Variants in NELL2 observed in about 807,000 individuals in gnomAD.
The protein encoded by NELL2 is neural EGFL like 2, also known as protein kinase C-binding protein NELL2.
In NELL2, 41 loss-of-function variants were observed where a neutral mutation model predicts 109.6. The observed-to-expected ratio is 0.37, with a 90% CI of 0.29 to 0.49. The LOEUF (loss-of-function observed/expected upper bound fraction) is 0.49. Ranked by LOEUF, NELL2 falls within the 20% of genes least tolerant of loss-of-function variation. The pLI is 0.98. For synonymous variants in NELL2, 355 were observed against 344.7 expected, an observed-to-expected ratio of 1.03 and a Z score of -0.33; for missense variants, 900 against 1,008.3, an observed-to-expected ratio of 0.89 and a Z score of 1.45.
chr12:44,707,503 A>T (rs1172293616), intron 11 of NELL2, among the ~76,000 whole-genome samples: 1 of 152,156 alleles, frequency 6.6e-6, no homozygotes, highest in Non-Finnish European at 1.5e-5. Context: ...TCCTCTGCTT[A>T]TTGGGCCTAC....
intron 13 of NELL2, among the ~76,000 whole-genome samples, chr12:44,622,512 TA>T (rs1946096442): frequency 6.6e-6 from 1 of 152,070 alleles, no homozygotes; most frequent in Non-Finnish European, 1.5e-5. Context: ...TAAATAAGAT[TA>T]AAGAGTACAC....
chr12:44,660,507 G>A (rs1403218162), intron 13 of NELL2, among the ~76,000 whole-genome samples: 1 of 152,156 alleles, frequency 6.6e-6, no homozygotes, highest in Admixed American at 6.5e-5. Context: ...CCAGATCCCA[G>A]TAGTAACCGC....
rs1004386197 is a variant in NELL2 at position 44,516,394 on chromosome 12, C to T, written c.2400+3611G>A. 4.3e-4 allele frequency among the ~76,000 whole-genome samples: 66 copies of T among 151,962 alleles called. 1 individual carries two copies. Among genetic ancestry groups the T allele is most frequent in the Admixed American group, 2.0e-3 (30 of 15,266 alleles). ...ATATTTGTGTGTGTATATGGGGGTG[C>T]GGATAGTATGTGTTGCATTGTGTAT... On this transcript the variant is annotated intron_variant, in intron 19 of 19. Transcript: ENST00000429094.
chr12:44,890,877 C>T (rs1323207323), intron 1 of NELL2, among the ~76,000 whole-genome samples: 1 of 152,036 alleles, frequency 6.6e-6, no homozygotes, highest in Non-Finnish European at 1.5e-5. Context: ...ATTACAGGCA[C>T]CCGCCATCAT....
chr12:44,723,859 A>G (rs1938924432), intron 9 of NELL2, among the ~76,000 whole-genome samples: 1 of 152,096 alleles, frequency 6.6e-6, no homozygotes, highest in Admixed American at 6.5e-5. Context: ...TTAAAGTACA[A>G]CTACCATTCA....
At chr12:44,519,461 T>C (rs1941420248) in intron 19 of NELL2, among the ~76,000 whole-genome samples, 1 of 152,226 alleles carries the variant, frequency 6.6e-6, no homozygotes, top group Non-Finnish European at 1.5e-5. Context: ...TAATGGTTTT[T>C]CTCCAACTGT....
intron 13 of NELL2, among the ~76,000 whole-genome samples, chr12:44,658,707 T>A (rs1336001504): frequency 2.6e-5 from 4 of 151,212 alleles, no homozygotes; most frequent in Non-Finnish European, 5.9e-5. Flanking sequence ...AAACCCTGTC[T>A]CTACTAAAAA....
At chr12:44,810,426 T>C (rs1943136160) in intron 3 of NELL2, among the ~76,000 whole-genome samples, 1 of 152,158 alleles carries the variant, frequency 6.6e-6, no homozygotes, top group South Asian at 2.1e-4. Context: ...AAATGTTTAA[T>C]AATTGGCTCT....
At chr12:44,823,375 T>C (rs1053824851) in intron 2 of NELL2, among the ~76,000 whole-genome samples, 2 of 152,182 alleles carry the variant, frequency 1.3e-5, no homozygotes, top group African/African-American at 4.8e-5. Flanking sequence ...CTTTGTACTC[T>C]TTCACTAATA....
intron 3 of NELL2, among the ~76,000 whole-genome samples, chr12:44,790,065 G>A (rs1033266924): frequency 1.3e-5 from 2 of 152,152 alleles, no homozygotes; most frequent in South Asian, 2.1e-4. Flanking sequence ...GGGAATAATT[G>A]AGGAAAACTT....
intron 15 of NELL2, among the ~76,000 whole-genome samples, chr12:44,600,017 A>C (rs1333586344): frequency 7.1e-6 from 1 of 140,188 alleles, no homozygotes; most frequent in African/African-American, 2.7e-5. Flanking sequence ...GCTGGAGTGC[A>C]GTGGCGCGAT....
chr12:44,722,117 G>T (rs1181972309), intron 9 of NELL2, among the ~76,000 whole-genome samples: 2 of 151,996 alleles, frequency 1.3e-5, no homozygotes, highest in African/African-American at 2.4e-5. Context: ...TGATAAACAG[G>T]AGAACCAAAA....
At chr12:44,762,536 C>T (rs1385133082) in intron 9 of NELL2, among the ~76,000 whole-genome samples, 1 of 152,200 alleles carries the variant, frequency 6.6e-6, no homozygotes, top group Non-Finnish European at 1.5e-5. Context: ...CAGCAATCCA[C>T]TGCCCTTGGC....
chr12:44,612,966 G>T (rs1302752158), intron 13 of NELL2, among the ~76,000 whole-genome samples: 1 of 151,908 alleles, frequency 6.6e-6, no homozygotes, highest in Non-Finnish European at 1.5e-5. Context: ...TTACTCTCAT[G>T]GGTACTGAAA....
rs1948898565 is a variant in NELL2, at chr12:44,691,484, C to A, written c.1318+12242G>T. 3.9e-5 allele frequency among the ~76,000 whole-genome samples: 6 copies of A among 152,072 alleles called. No homozygotes were observed. In the South Asian group the frequency reaches 1.2e-3, roughly 31 times the overall value. ...TCAGTCCACGCTATTCCCTGGGATACAACGATATTGAAATTAGGCCAATTA... is the reference window on the plus strand; with the variant it reads ...TCAGTCCACGCTATTCCCTGGGATAAAACGATATTGAAATTAGGCCAATTA... On this transcript the variant is annotated intron_variant, in intron 12 of 19. Coordinates refer to ENST00000429094, the MANE Select transcript of NELL2 (RefSeq NM_001145108.2).
At chr12:44,776,664 G>A (rs1941769411) in intron 7 of NELL2, among the ~76,000 whole-genome samples, 1 of 152,172 alleles carries the variant, frequency 6.6e-6, no homozygotes, top group South Asian at 2.1e-4. Flanking sequence ...CATAGTGGTA[G>A]AAAGCATTTA....
chr12:44,737,466 A>AT (rs1328458386), intron 9 of NELL2, among the ~76,000 whole-genome samples: 1 of 151,778 alleles, frequency 6.6e-6, no homozygotes, highest in Admixed American at 6.6e-5. Flanking sequence ...TTCCTTTCTC[A>AT]TTTTTCATGC....
chr12:44,706,724 G>A (rs1937902872), intron 11 of NELL2, among the ~76,000 whole-genome samples: 1 of 152,088 alleles, frequency 6.6e-6, no homozygotes, highest in South Asian at 2.1e-4. Flanking sequence ...AATATGTTGA[G>A]ATCCATAAAA....
chr12:44,713,178 AC>A (rs1223011878), intron 10 of NELL2, among the ~76,000 whole-genome samples: 1 of 10,962 alleles, frequency 9.1e-5, no homozygotes, highest in African/African-American at 2.8e-4. Context: ...TGAATAGGAT[AC>A]ACACACACAC....
Sources: allele counts gnomAD v4.1 joint callset (sites outside exome capture counted in the v4.1 genomes callset), GRCh38; gene constraint gnomAD v4.1.1; transcripts MANE v1.5; gene names NCBI Gene and HGNC (gene_info 2026-07-23, HGNC 2026-07-21).